Variants in CNTN4 observed in about 807,000 individuals in gnomAD.
CNTN4 encodes the protein contactin-4.
In CNTN4, 77 loss-of-function variants were observed where a neutral mutation model predicts 122.5. That is an observed-to-expected ratio of 0.63 (90% CI 0.52 to 0.76). The LOEUF (loss-of-function observed/expected upper bound fraction) is 0.76, where lower values mean the gene tolerates loss of function less well. Ranked by LOEUF, CNTN4 falls within the 30% of genes least tolerant of loss-of-function variation. The pLI, the probability that CNTN4 is intolerant of heterozygous loss-of-function variation, is 0.00. For missense variants in CNTN4, 1,256 were observed against 1,259.1 expected, an observed-to-expected ratio of 1.00 and a Z score of 0.04; for synonymous variants, 512 against 447.0, an observed-to-expected ratio of 1.15 and a Z score of -1.83.
intron 2 of CNTN4, among the ~76,000 whole-genome samples, chr3:2,104,284 T>C (rs757274420): frequency 6.6e-6 from 1 of 151,838 alleles, no homozygotes; most frequent in Non-Finnish European, 1.5e-5. Flanking sequence ...TATGATTTAA[T>C]GGGGTTGGAG....
At chr3:2,362,600 T>C (rs1198990212) in intron 3 of CNTN4, 2 of 505,024 alleles carry the variant, frequency 4.0e-6, no homozygotes, top group Admixed American at 2.3e-5. Flanking sequence ...ACCTACTCCT[T>C]GTGTGTAAGA....
At position 2,522,146 on chromosome 3, in the gene CNTN4, AGTTTGTGTGTGTGT is replaced by A. The variant is rs111374789; in HGVS notation, c.-88-49267_-88-49254del. ...TTTATGGCATGTGGCCTGCCTAAGC[AGTTTGTGTGTGTGT>A]GTGTGTGTGTGTGTGTGTGTGTGTG... is the stretch of plus-strand genomic sequence containing the variant. On this transcript the variant is annotated intron_variant, in intron 3 of 24. Transcript: ENST00000418658. Among the ~76,000 whole-genome samples the A allele has an allele frequency of 5.3e-4, 71 of 134,544 alleles. 1 individual carries two copies. Among genetic ancestry groups the A allele is most frequent in the East Asian group, 5.2e-3 (26 of 5,038 alleles). 88.3% of individuals were successfully genotyped at this position (134,544 alleles called of 152,430 possible). A position where few individuals can be genotyped will look rare whatever the true frequency, so the allele number is the denominator to read the frequency against.
intron 13 of CNTN4, among the ~76,000 whole-genome samples, chr3:2,942,748 C>A (rs1363941594): frequency 6.6e-6 from 1 of 152,058 alleles, no homozygotes; most frequent in Non-Finnish European, 1.5e-5. Context: ...ATAAGAAGTA[C>A]AATTTAAACA....
chr3:2,160,491 A>G (rs2035913362), intron 2 of CNTN4, among the ~76,000 whole-genome samples: 1 of 152,214 alleles, frequency 6.6e-6, no homozygotes. Context: ...AAATTTTAAA[A>G]TGAAGATTAT....
rs146006684 is a variant in CNTN4 at position 2,207,906 on chromosome 3, G to C, written c.-145+107267G>C. Among the ~76,000 whole-genome samples the C allele has an allele frequency of 1.0e-3, 155 of 152,142 alleles. 1 individual carries two copies. Among genetic ancestry groups the C allele is most frequent in the African/African-American group, 3.6e-3 (150 of 41,510 alleles). On this transcript the variant is annotated intron_variant, in intron 2 of 24. Coordinates refer to ENST00000418658, the MANE Select transcript of CNTN4 (RefSeq NM_175607.3). ...ATGTAACTGGTGACTTTAAGTTGAG[G>C]CCAATGCTCATTGACCATTCTAAAA...
chr3:2,804,403 C>G lies in CNTN4; in HGVS notation c.359-15083C>G, dbSNP rs2150084643. Among the ~76,000 whole-genome samples, 2 of 152,296 alleles carry G rather than the reference C, an allele frequency of 1.3e-5. 1 individual carries two copies. Among genetic ancestry groups the G allele is most frequent in the Middle Eastern group, 6.8e-3 (2 of 292 alleles). On this transcript the variant is annotated intron_variant, in intron 6 of 24. Coordinates refer to ENST00000418658, the MANE Select transcript of CNTN4 (RefSeq NM_175607.3). Reference sequence around the variant, plus strand: ...CATTATCGTTTACTAACAATGTGTACTTGAGCAAATTATTTTGCTGTTCAG... The same window carrying G: ...CATTATCGTTTACTAACAATGTGTAGTTGAGCAAATTATTTTGCTGTTCAG...
At chr3:2,201,036 T>TC (rs1358689168) in intron 2 of CNTN4, among the ~76,000 whole-genome samples, 1 of 152,154 alleles carries the variant, frequency 6.6e-6, no homozygotes, top group Non-Finnish European at 1.5e-5. Context: ...CCACCTTTTT[T>TC]CCCTGAGAAA....
intron 3 of CNTN4, among the ~76,000 whole-genome samples, chr3:2,490,849 C>T (rs543525596): frequency 1.6e-3 from 244 of 152,244 alleles, no homozygotes; most frequent in Middle Eastern, 6.8e-3. Context: ...GAAACTTCAG[C>T]TGAAATGAAA....
At chr3:2,356,553 G>A (rs2044881353) in intron 3 of CNTN4, among the ~76,000 whole-genome samples, 1 of 152,172 alleles carries the variant, frequency 6.6e-6, no homozygotes, top group African/African-American at 2.4e-5. Flanking sequence ...TCACTATCTT[G>A]GTTTTGGTGG....
chr3:2,818,780 A>T (rs2092798450), intron 6 of CNTN4, among the ~76,000 whole-genome samples: 1 of 152,214 alleles, frequency 6.6e-6, no homozygotes, highest in Non-Finnish European at 1.5e-5. Flanking sequence ...GAGGTAATAA[A>T]ACATTCTTCT....
At chr3:2,735,018 G>C (rs2088976972) in intron 4 of CNTN4, among the ~76,000 whole-genome samples, 1 of 152,082 alleles carries the variant, frequency 6.6e-6, no homozygotes, top group South Asian at 2.1e-4. Flanking sequence ...GATTCTTATT[G>C]ATCACCGTGT....
chr3:2,381,112 T>G (rs1206022255), intron 3 of CNTN4, among the ~76,000 whole-genome samples: 1 of 152,000 alleles, frequency 6.6e-6, no homozygotes, highest in Non-Finnish European at 1.5e-5. Context: ...TTCCCGCCAT[T>G]CTCCTGCCTC....
intron 3 of CNTN4, among the ~76,000 whole-genome samples, chr3:2,534,117 C>A (rs2077705987): frequency 6.6e-6 from 1 of 152,082 alleles, no homozygotes. Flanking sequence ...TAATTAGATC[C>A]CATTTGCCAA....
intron 2 of CNTN4, among the ~76,000 whole-genome samples, chr3:2,306,872 A>G (rs1387975372): frequency 6.8e-6 from 1 of 146,814 alleles, no homozygotes; most frequent in Non-Finnish European, 1.5e-5. Flanking sequence ...GTATTTTATT[A>G]TTTTTGATAT....
intron 2 of CNTN4, among the ~76,000 whole-genome samples, chr3:2,164,063 T>C (rs754619953): frequency 6.6e-6 from 1 of 152,098 alleles, no homozygotes; most frequent in Non-Finnish European, 1.5e-5. Context: ...GACTACATGT[T>C]GGGTACAATG....
chr3:2,479,509 A>G (rs563299462), intron 3 of CNTN4, among the ~76,000 whole-genome samples: 2 of 152,178 alleles, frequency 1.3e-5, no homozygotes, highest in Admixed American at 6.5e-5. Flanking sequence ...GGAAATTGAA[A>G]CTTAAGCGGG....
chr3:2,831,581 A>G (rs1241480960), intron 7 of CNTN4, among the ~76,000 whole-genome samples: 1 of 152,190 alleles, frequency 6.6e-6, no homozygotes, highest in Non-Finnish European at 1.5e-5. Context: ...CAGCCGAAAC[A>G]CACCCTCTTT....
chr3:2,623,929 T>C (rs1421857773), intron 4 of CNTN4, among the ~76,000 whole-genome samples: 4 of 152,160 alleles, frequency 2.6e-5, no homozygotes, highest in Admixed American at 2.6e-4. Context: ...TGTCTGTTCA[T>C]TTACCATTTA....
chr3:2,213,505 A>T (rs12635032), intron 2 of CNTN4, among the ~76,000 whole-genome samples: 1 of 152,180 alleles, frequency 6.6e-6, no homozygotes, highest in Non-Finnish European at 1.5e-5. Flanking sequence ...CTGGAATGTG[A>T]TCTACACCTG....
Sources: gnomAD v4.1 joint callset for allele counts (sites outside exome capture counted in the v4.1 genomes callset) on GRCh38, gnomAD v4.1.1 for gene constraint, MANE v1.5 for transcripts, NCBI Gene and HGNC (gene_info 2026-07-23, HGNC 2026-07-21) for gene names.